The following CCDC63 variants were observed in gnomAD, a reference collection of about 807,000 sequenced individuals.
The protein encoded by CCDC63 is coiled-coil domain-containing protein 63.
A neutral mutation model predicts 63.6 loss-of-function variants in CCDC63; 54 were observed. That is an observed-to-expected ratio of 0.85 (90% CI 0.68 to 1.07). The LOEUF is 1.07. CCDC63 is among the 50% of genes least tolerant of loss of function. CCDC63 has a pLI of 0.00. For missense variants in CCDC63, 637 were observed against 689.6 expected (o/e 0.92, Z 0.86); for synonymous variants, 253 against 266.1 (o/e 0.95, Z 0.48).
At chr12:110,906,247 C>T (rs189712833) in intron 11 of CCDC63, among the ~76,000 whole-genome samples, 8 of 133,942 alleles carry the variant, frequency 6.0e-5, no homozygotes, top group Admixed American at 1.8e-4. Context: ...AACCCTGATA[C>T]GTAATAAGAG....
chr12:110,848,675 A>G (rs949688804), intron 1 of CCDC63, among the ~76,000 whole-genome samples: 1 of 152,230 alleles, frequency 6.6e-6, no homozygotes, highest in Non-Finnish European at 1.5e-5. Flanking sequence ...GCTAGGCACT[A>G]TGCTAACCAC....
intron 4 of CCDC63, among the ~76,000 whole-genome samples, chr12:110,870,174 C>A (rs1339160677): frequency 6.6e-6 from 1 of 152,158 alleles, no homozygotes; most frequent in African/African-American, 2.4e-5. Context: ...CCTCTACCTC[C>A]CAGGATCAAG....
chr12:110,897,504 A>G (rs2071428701), intron 9 of CCDC63, among the ~76,000 whole-genome samples: 1 of 152,058 alleles, frequency 6.6e-6, no homozygotes. Flanking sequence ...AGGCTGAGGC[A>G]GGAGGATCAC....
intron 9 of CCDC63, among the ~76,000 whole-genome samples, chr12:110,897,808 A>G (rs2071433336): frequency 7.0e-6 from 1 of 143,650 alleles, no homozygotes; most frequent in Admixed American, 7.3e-5. Context: ...TCTCGGGCTC[A>G]CTGCAATTTC....
intron 9 of CCDC63, among the ~76,000 whole-genome samples, chr12:110,893,847 A>G (rs929625297): frequency 9.9e-5 from 15 of 152,148 alleles, no homozygotes; most frequent in African/African-American, 3.6e-4. Context: ...TAATACAAAA[A>G]TTAGCCAGGT....
At chr12:110,890,007 G>A (rs983274905) in intron 8 of CCDC63, among the ~76,000 whole-genome samples, 8 of 152,056 alleles carry the variant, frequency 5.3e-5, no homozygotes, top group African/African-American at 1.9e-4. Flanking sequence ...CTTTTTGGTA[G>A]AGTTCTTTCT....
chr12:110,871,938 A>C (rs1163782024), intron 4 of CCDC63, among the ~76,000 whole-genome samples: 1 of 152,168 alleles, frequency 6.6e-6, no homozygotes, highest in Admixed American at 6.5e-5. Context: ...CCCTTTTTCA[A>C]CAGCAAATAA....
intron 3 of CCDC63, 91 bp from the exon 4 acceptor site, chr12:110,858,495 C>G (rs2070807297): frequency 1.7e-6 from 2 of 1,170,682 alleles, no homozygotes; most frequent in Non-Finnish European, 2.4e-6. Flanking sequence ...ATTCCTCTCT[C>G]CCGGTCTCCT....
intron 4 of CCDC63, among the ~76,000 whole-genome samples, chr12:110,867,793 G>A (rs1190935195): frequency 8.5e-6 from 1 of 117,804 alleles, no homozygotes. Flanking sequence ...GGCTGGCCGG[G>A]CTGAGGGGCT....
At chr12:110,903,246 A>C (rs1308147432) in intron 10 of CCDC63, among the ~76,000 whole-genome samples, 1 of 151,632 alleles carries the variant, frequency 6.6e-6, no homozygotes, top group East Asian at 2.0e-4. Flanking sequence ...CAAGTGATCC[A>C]CCTGCCTCAG....
intron 4 of CCDC63, among the ~76,000 whole-genome samples, chr12:110,871,307 A>G (rs2071062862): frequency 6.6e-6 from 1 of 151,698 alleles, no homozygotes; most frequent in Non-Finnish European, 1.5e-5. Context: ...ACGCCTGGCT[A>G]TTTTTTTGTA....
At chr12:110,893,574 G>A (rs1023495873) in intron 9 of CCDC63, among the ~76,000 whole-genome samples, 6 of 152,252 alleles carry the variant, frequency 3.9e-5, no homozygotes, top group East Asian at 3.9e-4. Flanking sequence ...TGTACGAGGC[G>A]CCGGGCTAAG....
chr12:110,885,368 T>C (rs1178335840), intron 8 of CCDC63, among the ~76,000 whole-genome samples: 1 of 152,194 alleles, frequency 6.6e-6, no homozygotes, highest in African/African-American at 2.4e-5. Context: ...TCTACCTTTG[T>C]TGAACCCATA....
In CCDC63 at chr12:110,852,787, G is replaced by T; in HGVS notation, c.-96-72G>T. The T allele has an allele frequency of 5.5e-6, 5 of 901,262 alleles. No individual in the cohort carries two copies. The East Asian group carries it at 1.2e-4, about 22-fold the overall frequency. The allele number at this position is 901,262 out of a possible 1,614,324, so 55.8% of individuals were successfully genotyped here. ...AGGAAGGGATGGCAGGGGGAGGGAG[G>T]AGGTGCCGTTCTGACCTGCACCCCC... On this transcript the variant is annotated intron_variant, in intron 1 of 11. Transcript: ENST00000308208.
chr12:110,902,796 C>T (rs576163267), intron 10 of CCDC63, among the ~76,000 whole-genome samples: 80 of 152,146 alleles, frequency 5.3e-4, no homozygotes, highest in African/African-American at 1.7e-3. Flanking sequence ...TGGCTCACTG[C>T]AACCTCTTCC....
chr12:110,889,219 C>T lies in CCDC63; in HGVS notation c.1075-3857C>T, dbSNP rs544804132. 1.3e-5 allele frequency among the ~76,000 whole-genome samples: 2 copies of T among 152,096 alleles called. No individual in the cohort carries two copies. The highest frequency in any genetic ancestry group is 2.9e-5 in the Non-Finnish European group (2 of 68,040). On this transcript the variant is annotated intron_variant, in intron 8 of 11. Transcript: ENST00000308208. This position sits in a 1 kb window ranked among gnomAD's most constrained non-coding sequence, Gnocchi z 4.1. ...TATTGAGCACCTACTGCGTTCCAGA[C>T]ACTGCTCTAGACCCTGATAATGTGG...
At chr12:110,902,853 G>A (rs906249192) in intron 10 of CCDC63, among the ~76,000 whole-genome samples, 3 of 151,158 alleles carry the variant, frequency 2.0e-5, no homozygotes, top group Admixed American at 1.3e-4. Flanking sequence ...GAGTAGCTGG[G>A]ATTACAGGTG....
chr12:110,899,142 C>T lies in CCDC63; in HGVS notation c.1342+17C>T, dbSNP rs2071453160. ...AGTATTTTGGTGAGTCAAGCTGGGG[C>T]CCGTTGGAGTCTTAGGAAACATTTC... On this transcript the variant is annotated intron_variant, in intron 10 of 11. Coordinates refer to ENST00000308208, the MANE Select transcript of CCDC63 (RefSeq NM_152591.3). 6.3e-7 allele frequency: 1 copy of T among 1,597,900 alleles called. No individual in the cohort carries two copies.
At chr12:110,866,611 G>A (rs886810985) in intron 4 of CCDC63, among the ~76,000 whole-genome samples, 5 of 150,840 alleles carry the variant, frequency 3.3e-5, no homozygotes, top group African/African-American at 1.2e-4. Context: ...CACAGCACAT[G>A]TTTCAGGGAG....
Sources: allele counts gnomAD v4.1 joint callset (sites outside exome capture counted in the v4.1 genomes callset), GRCh38; gene constraint gnomAD v4.1.1; non-coding constraint Gnocchi (gnomAD v3.1); transcripts MANE v1.5; gene names NCBI Gene and HGNC (gene_info 2026-07-23, HGNC 2026-07-21).